Variants in TRIM24 observed in about 807,000 individuals in gnomAD.
TRIM24 encodes tripartite motif containing 24, also known as transcription intermediary factor 1-alpha.
TRIM24 carries 29 observed loss-of-function variants against 123.9 expected under a neutral mutation model. The ratio of observed to expected loss-of-function variants is 0.23; its 90% CI spans 0.17 to 0.32. TRIM24 has a LOEUF of 0.32. TRIM24 is among the 10% of genes least tolerant of loss of function. The pLI is 1.00. For synonymous variants in TRIM24, 456 were observed against 461.1 expected (o/e 0.99, Z 0.14); for missense variants, 932 against 1,295.3 (o/e 0.72, Z 4.31).
At chr7:138,561,256 C>T (rs1383379145) in intron 9 of TRIM24, among the ~76,000 whole-genome samples, 1 of 152,134 alleles carries the variant, frequency 6.6e-6, no homozygotes, top group African/African-American at 2.4e-5. Flanking sequence ...CTGCCGGACC[C>T]CTTCCAATAC....
chr7:138,580,605 G>C lies in TRIM24; in HGVS notation c.2629G>C (p.Glu877Gln). 2 of 1,613,680 alleles carry C rather than the reference G, an allele frequency of 1.2e-6. No homozygotes were observed. Among genetic ancestry groups the C allele is most frequent in the South Asian group, 1.1e-5 (1 of 91,050 alleles). ...CTFCRDLSKP[E>Q]VEYDCDAPSH... ...TTTCTGCCGAGACTTATCTAAACCA[G>C]AAGTTGAATATGATTGTGATGCTCC... Residue 877 changes from glutamate to glutamine, a missense_variant, in exon 16 of 19, where the codon GAA (glutamate) becomes CAA (glutamine). Coordinates refer to ENST00000343526, the MANE Select transcript of TRIM24 (RefSeq NM_015905.3).
intron 11 of TRIM24, 28 bp from the exon 12 acceptor site, chr7:138,573,479 G>A: frequency 1.3e-6 from 2 of 1,511,076 alleles, no homozygotes; most frequent in South Asian, 1.4e-5. Flanking sequence ...AAATCAGAAT[G>A]CCCTGAAATA....
At chr7:138,548,707 T>C (rs1199464623) in intron 7 of TRIM24, among the ~76,000 whole-genome samples, 2 of 152,236 alleles carry the variant, frequency 1.3e-5, no homozygotes, top group Non-Finnish European at 2.9e-5. Flanking sequence ...GTTTTGATTT[T>C]TGTAATAACC....
At chr7:138,544,382 A>G (rs758395685) in intron 7 of TRIM24, among the ~76,000 whole-genome samples, 99 of 152,310 alleles carry the variant, frequency 6.5e-4, no homozygotes, top group Non-Finnish European at 1.2e-3. Flanking sequence ...ATAATATTCT[A>G]TTGTATATAT....
intron 16 of TRIM24, among the ~76,000 whole-genome samples, 161 bp from the exon 17 acceptor site, chr7:138,581,536 G>A (rs1007054425): frequency 6.6e-6 from 1 of 152,078 alleles, no homozygotes; most frequent in African/African-American, 2.4e-5. Context: ...CCAAATATTG[G>A]GAAGGAGAGC....
At chr7:138,581,823 G>T in intron 17 of TRIM24, 52 bp downstream of exon 17, 2 of 1,395,544 alleles carry the variant, frequency 1.4e-6, no homozygotes, top group Non-Finnish European at 2.0e-6. Flanking sequence ...TGCTTTTCTG[G>T]AATTTTATGA....
rs538188140 is a variant in TRIM24, at chr7:138,517,075, C to T, written c.631+1716C>T. Among the ~76,000 whole-genome samples the T allele has an allele frequency of 4.0e-4, 61 of 150,856 alleles. No individual in the cohort carries two copies. The Middle Eastern group carries it at 0.01, about 25-fold the overall frequency. On this transcript the variant is annotated intron_variant, in intron 3 of 18. Transcript: ENST00000343526. ...ACCTGTGATAATTGCCATTACACTC[C>T]GTCTGCGCGACAGTGTGAGATCCTG...
chr7:138,575,666 C>CTGT (rs1364422091), intron 12 of TRIM24, among the ~76,000 whole-genome samples: 1 of 151,944 alleles, frequency 6.6e-6, no homozygotes, highest in African/African-American at 2.4e-5. Context: ...CTACTTGTTA[C>CTGT]TGTTTAGTTT....
At chr7:138,515,473 T>C in intron 3 of TRIM24, 114 bp downstream of exon 3, 1 of 1,229,444 alleles carries the variant, frequency 8.1e-7, no homozygotes, top group Non-Finnish European at 1.1e-6. Flanking sequence ...TATACTGTTT[T>C]AAGTAAAAGA....
rs891479651 is a variant in TRIM24 at position 138,585,146 on chromosome 7, G to A, written c.*195G>A. The A allele has an allele frequency of 1.5e-5, 6 of 403,104 alleles. No individual in the cohort carries two copies. Among genetic ancestry groups the A allele is most frequent in the South Asian group, 7.6e-5 (1 of 13,118 alleles). The allele number at this position is 403,104 out of a possible 1,614,324, so 25.0% of individuals were successfully genotyped here. A position where few individuals can be genotyped will look rare whatever the true frequency, so the allele number is the denominator to read the frequency against. Reference sequence around the variant, plus strand: ...TATCACTAAGAAAGAAAGGAAAGAAGGAGATGAATAGAAGAAAGAAAATGG... The same window carrying A: ...TATCACTAAGAAAGAAAGGAAAGAAAGAGATGAATAGAAGAAAGAAAATGG... On this transcript the variant is annotated 3_prime_UTR_variant, in exon 19 of 19. Transcript: ENST00000343526.
chr7:138,500,816 C>T (rs1329217178), intron 1 of TRIM24, among the ~76,000 whole-genome samples: 2 of 152,066 alleles, frequency 1.3e-5, no homozygotes, highest in Non-Finnish European at 2.9e-5. Context: ...TAGCCTACTA[C>T]ACACCAAGAG....
At chr7:138,568,120 AT>A (rs1395615573) in intron 10 of TRIM24, among the ~76,000 whole-genome samples, 2 of 151,304 alleles carry the variant, frequency 1.3e-5, no homozygotes, top group Non-Finnish European at 3.0e-5. Flanking sequence ...ATTTATTTTT[AT>A]TTTTTTATTT....
intron 17 of TRIM24, among the ~76,000 whole-genome samples, chr7:138,583,317 T>A (rs1797942182): frequency 2.6e-5 from 4 of 152,182 alleles, no homozygotes; most frequent in Non-Finnish European, 5.9e-5. Flanking sequence ...GAAGACAAGT[T>A]TTTTCATTAA....
intron 10 of TRIM24, 40 bp downstream of exon 10, chr7:138,567,694 G>A (rs1797565049): frequency 2.7e-6 from 4 of 1,505,352 alleles, no homozygotes; most frequent in Non-Finnish European, 2.7e-6. Context: ...TTTTTCTGCT[G>A]CTTTCTACTT....
intron 1 of TRIM24, among the ~76,000 whole-genome samples, chr7:138,500,691 C>T (rs111282484): frequency 0.021 from 3,221 of 150,744 alleles, 94 homozygotes; most frequent in African/African-American, 0.072. Flanking sequence ...CTGGGCAATA[C>T]AGTGAGACCC....
chr7:138,552,139 G>A (rs1040936907), intron 8 of TRIM24, among the ~76,000 whole-genome samples: 16 of 151,942 alleles, frequency 1.1e-4, no homozygotes, highest in South Asian at 4.1e-4. Flanking sequence ...ATGCTATACC[G>A]GTTTGTAGCC....
intron 6 of TRIM24, among the ~76,000 whole-genome samples, chr7:138,538,014 A>C (rs1397141316): frequency 1.3e-5 from 2 of 152,226 alleles, no homozygotes; most frequent in Non-Finnish European, 2.9e-5. Context: ...ATCTTCTCTA[A>C]GGAAAGCACA....
chr7:138,461,171 G>A, intron 1 of TRIM24: 1 of 700,446 alleles, frequency 1.4e-6, no homozygotes, highest in East Asian at 2.9e-5. Context: ...ATTCTCAACA[G>A]CCGGGCGGCC....
intron 6 of TRIM24, among the ~76,000 whole-genome samples, chr7:138,537,801 A>G (rs887534147): frequency 1.3e-5 from 2 of 152,210 alleles, no homozygotes; most frequent in Non-Finnish European, 1.5e-5. Context: ...GGAACTGACT[A>G]GGGCTAGGAT....
Sources: gnomAD v4.1 joint callset for allele counts (sites outside exome capture counted in the v4.1 genomes callset) on GRCh38, gnomAD v4.1.1 for gene constraint, MANE v1.5 for transcripts, NCBI Gene and HGNC (gene_info 2026-07-23, HGNC 2026-07-21) for gene names.